Variants in DPP6 observed in about 807,000 individuals in gnomAD.
DPP6 encodes the protein dipeptidyl peptidase like 6.
A neutral mutation model predicts 122.6 loss-of-function variants in DPP6; 69 were observed. The ratio of observed to expected loss-of-function variants is 0.56; its 90% CI spans 0.46 to 0.69. DPP6 has a LOEUF of 0.69. Among genes scored for constraint, DPP6 ranks in the 30% least tolerant of loss-of-function variants. The pLI is 0.00. For synonymous variants in DPP6, 418 were observed against 433.1 expected, an observed-to-expected ratio of 0.97 and a Z score of 0.43; for missense variants, 928 against 1,116.9, an observed-to-expected ratio of 0.83 and a Z score of 2.41.
chr7:154,851,919 T>C (rs895587391), intron 16 of DPP6, among the ~76,000 whole-genome samples: 4 of 152,110 alleles, frequency 2.6e-5, no homozygotes, highest in Admixed American at 2.6e-4. Context: ...AGAGACTGGA[T>C]CCAGTCCTTG....
chr7:154,018,299 T>C (rs1302968197), intron 1 of DPP6, among the ~76,000 whole-genome samples: 3 of 152,006 alleles, frequency 2.0e-5, no homozygotes, highest in Non-Finnish European at 2.9e-5. Context: ...AATTGCTCAA[T>C]GATCTTGAGA....
intron 1 of DPP6, among the ~76,000 whole-genome samples, chr7:154,201,063 A>G (rs1799145906): frequency 1.3e-5 from 2 of 152,296 alleles, no homozygotes; most frequent in South Asian, 4.1e-4. Flanking sequence ...CAAGTTTCCT[A>G]ATCAACAGCA....
chr7:154,026,857 G>C (rs547576059), intron 1 of DPP6: 7 of 152,050 alleles, frequency 4.6e-5, no homozygotes, highest in Non-Finnish European at 1.0e-4. Context: ...TTGTTCTGTT[G>C]ATCAATGAAT....
chr7:154,774,158 T>A (rs1796426266), intron 10 of DPP6, among the ~76,000 whole-genome samples: 1 of 152,072 alleles, frequency 6.6e-6, no homozygotes, highest in Non-Finnish European at 1.5e-5. Context: ...CTCTAGAGGT[T>A]TAATGAACCT....
In DPP6 at chr7:154,352,129, G is replaced by A. The variant is rs528147202; in HGVS notation, c.244-94085G>A. On this transcript the variant is annotated intron_variant, in intron 1 of 25. Transcript: ENST00000377770. The stretch of plus-strand genomic sequence containing the variant: ...GACCTGGTCAGAGCTCAAGTGGAGG[G>A]GAAGCAAACCTTTTGGAGTGTCTTG... Among the ~76,000 whole-genome samples, 134 of 152,168 alleles carry A rather than the reference G, an allele frequency of 8.8e-4. 1 individual carries two copies. The highest frequency in any genetic ancestry group is 3.1e-3 in the African/African-American group (128 of 41,522).
chr7:154,339,558 C>A (rs1189428502), intron 1 of DPP6, among the ~76,000 whole-genome samples: 1 of 152,198 alleles, frequency 6.6e-6, no homozygotes, highest in Non-Finnish European at 1.5e-5. Context: ...TTGAACTCTG[C>A]ACTAATTTGC....
At chr7:154,014,961 C>G (rs147035068) in intron 1 of DPP6, among the ~76,000 whole-genome samples, 5,356 of 152,074 alleles carry the variant, frequency 0.035, 263 homozygotes, top group African/African-American at 0.11. Flanking sequence ...TCTCAGAATA[C>G]CCTTTAGAAT....
the DPP6 span, among the ~76,000 whole-genome samples, chr7:153,781,361 C>G: frequency 1.3e-5 from 2 of 151,766 alleles, no homozygotes; most frequent in Non-Finnish European, 2.9e-5. Flanking sequence ...GAAGTTGTTA[C>G]GCAGAGCAGT....
chr7:154,235,190 C>T (rs947214526), intron 1 of DPP6, among the ~76,000 whole-genome samples: 8 of 152,210 alleles, frequency 5.3e-5, no homozygotes, highest in African/African-American at 1.7e-4. Context: ...CATCCTCTGT[C>T]CCCAACCCCT....
chr7:153,787,408 G>A, the DPP6 span, among the ~76,000 whole-genome samples: 5 of 146,448 alleles, frequency 3.4e-5, no homozygotes, highest in Admixed American at 3.4e-4. Flanking sequence ...CTTTGTACCT[G>A]CAATGTGGTT....
intron 1 of DPP6, among the ~76,000 whole-genome samples, chr7:154,339,415 C>G (rs966232878): frequency 6.6e-6 from 1 of 152,138 alleles, no homozygotes; most frequent in African/African-American, 2.4e-5. Flanking sequence ...GGAGGCTTTA[C>G]GGTCCTCTCA....
At chr7:153,803,247 A>G in the DPP6 span, among the ~76,000 whole-genome samples, 1 of 148,608 alleles carries the variant, frequency 6.7e-6, no homozygotes, top group East Asian at 1.9e-4. Context: ...GGTTAACTTA[A>G]TGTGTCAACC....
intron 4 of DPP6, among the ~76,000 whole-genome samples, chr7:154,563,265 C>G (rs1040727764): frequency 3.3e-5 from 5 of 152,214 alleles, no homozygotes; most frequent in Non-Finnish European, 7.3e-5. Context: ...TGGACAGAGA[C>G]TGGCGTGGCT....
At chr7:153,927,510 G>A (rs1212128350) in intron 1 of DPP6, among the ~76,000 whole-genome samples, 1 of 152,094 alleles carries the variant, frequency 6.6e-6, no homozygotes, top group African/African-American at 2.4e-5. Flanking sequence ...ATGAAACCAT[G>A]GCTTCTACTT....
intron 8 of DPP6, among the ~76,000 whole-genome samples, chr7:154,731,735 A>C (rs1842349216): frequency 6.6e-6 from 1 of 152,244 alleles, no homozygotes; most frequent in African/African-American, 2.4e-5. Context: ...ATTTTAATAA[A>C]AACTAAAGAC....
At chr7:154,825,175 C>T (rs1278055435) in intron 16 of DPP6, among the ~76,000 whole-genome samples, 1 of 152,162 alleles carries the variant, frequency 6.6e-6, no homozygotes, top group Admixed American at 6.5e-5. Context: ...GTTTCTCAGC[C>T]TTGCTTACAA....
intron 1 of DPP6, among the ~76,000 whole-genome samples, chr7:154,364,622 C>CT (rs1273756854): frequency 1.3e-5 from 2 of 152,188 alleles, no homozygotes; most frequent in Admixed American, 1.3e-4. Context: ...GTCGCAGTAC[C>CT]TTAGTCACAG....
chr7:154,876,245 T>G, intron 20 of DPP6, 145 bp downstream of exon 20: 1,169 of 1,157,452 alleles, frequency 1.0e-3, no homozygotes, highest in Middle Eastern at 1.5e-3. Context: ...CTCTTGGCCA[T>G]TCCAAAGAAG....
At chr7:154,003,363 G>C (rs1477269668) in intron 1 of DPP6, among the ~76,000 whole-genome samples, 1 of 152,216 alleles carries the variant, frequency 6.6e-6, no homozygotes, top group Non-Finnish European at 1.5e-5. Context: ...GAGTATGTTA[G>C]TTTGGAACAG....
Sources: allele counts gnomAD v4.1 joint callset (sites outside exome capture counted in the v4.1 genomes callset), GRCh38; gene constraint gnomAD v4.1.1; transcripts MANE v1.5; gene names NCBI Gene and HGNC (gene_info 2026-07-23, HGNC 2026-07-21).